The following AZIN1 variants were observed in gnomAD, a reference collection of about 807,000 sequenced individuals.
AZIN1 encodes antizyme inhibitor 1.
Under a neutral mutation model 47.4 loss-of-function variants are expected in AZIN1, and 12 were observed. That is an observed-to-expected ratio of 0.25 (90% CI 0.16 to 0.41). AZIN1 has a LOEUF of 0.41. Among genes scored for constraint, AZIN1 ranks in the 10% least tolerant of loss-of-function variants. The pLI, the probability that AZIN1 is intolerant of heterozygous loss-of-function variation, is 1.00. For missense variants in AZIN1, 410 were observed against 532.4 expected, an observed-to-expected ratio of 0.77 and a Z score of 2.26; for synonymous variants, 155 against 176.3, an observed-to-expected ratio of 0.88 and a Z score of 0.96.
At chr8:102,843,037 G>A (rs1303258647) in intron 3 of AZIN1, among the ~76,000 whole-genome samples, 4 of 151,816 alleles carry the variant, frequency 2.6e-5, no homozygotes, top group East Asian at 1.9e-4. Flanking sequence ...GCGAAACCTC[G>A]TCTCTACTAA....
At chr8:102,837,754 G>GT (rs1811912621) in intron 5 of AZIN1, among the ~76,000 whole-genome samples, 1 of 152,126 alleles carries the variant, frequency 6.6e-6, no homozygotes, top group Non-Finnish European at 1.5e-5. Flanking sequence ...ATTAAAGTCA[G>GT]TATGAAAATT....
At position 102,850,630 on chromosome 8, in the gene AZIN1, C is replaced by T. The variant is rs369697136; in HGVS notation, c.-95-6883G>A. On this transcript the variant is annotated intron_variant, in intron 2 of 11. Coordinates refer to ENST00000337198, the MANE Select transcript of AZIN1 (RefSeq NM_148174.4). ...CATAAGATCAGGTAAACTTCTGCCA[C>T]CCTGGACCCCAAAATAAGTGATAGA... Among the ~76,000 whole-genome samples, 4 of 152,246 alleles carry T rather than the reference C, an allele frequency of 2.6e-5. No individual in the cohort carries two copies. The South Asian group carries it at 6.2e-4, about 24-fold the overall frequency.
chr8:102,831,559 C>T (rs1811461469), intron 9 of AZIN1, among the ~76,000 whole-genome samples: 1 of 147,904 alleles, frequency 6.8e-6, no homozygotes, highest in Non-Finnish European at 1.5e-5. Flanking sequence ...AGGAGAATTG[C>T]TTGAACCTGG....
chr8:102,847,350 T>TA (rs34083752), intron 2 of AZIN1, among the ~76,000 whole-genome samples: 9,989 of 133,666 alleles, frequency 0.075, 413 homozygotes, highest in African/African-American at 0.11. Context: ...ACCCATCTCT[T>TA]AAAAAAAAAA....
At chr8:102,842,411 A>G (rs1397374047) in intron 3 of AZIN1, among the ~76,000 whole-genome samples, 2 of 151,946 alleles carry the variant, frequency 1.3e-5, no homozygotes, top group Non-Finnish European at 2.9e-5. Context: ...TCTACTAAAA[A>G]TACAAAAACT....
At chr8:102,842,119 A>G (rs1812236681) in intron 3 of AZIN1, among the ~76,000 whole-genome samples, 1 of 150,824 alleles carries the variant, frequency 6.6e-6, no homozygotes, top group Non-Finnish European at 1.5e-5. Flanking sequence ...CTCAAAGAGA[A>G]AAAAAAAAAG....
At chr8:102,841,833 G>T (rs987753955) in intron 3 of AZIN1, among the ~76,000 whole-genome samples, 1 of 149,732 alleles carries the variant, frequency 6.7e-6, no homozygotes, top group African/African-American at 2.5e-5. Context: ...AGACCAGGCT[G>T]GGCGCGGTGG....
chr8:102,830,545 G>A (rs1811381183), intron 9 of AZIN1, among the ~76,000 whole-genome samples: 1 of 151,544 alleles, frequency 6.6e-6, no homozygotes, highest in African/African-American at 2.4e-5. Context: ...GGCAATATAT[G>A]CACAAGGAGT....
intron 3 of AZIN1, among the ~76,000 whole-genome samples, chr8:102,842,130 A>G (rs1199858814): frequency 1.3e-5 from 2 of 152,024 alleles, no homozygotes; most frequent in Non-Finnish European, 2.9e-5. Flanking sequence ...AAAAAAAAAG[A>G]AAATCACCTT....
intron 2 of AZIN1, 60 bp from the exon 3 acceptor site, chr8:102,843,807 C>CA: frequency 8.3e-7 from 1 of 1,207,306 alleles, no homozygotes. Context: ...ATGTACGAGT[C>CA]AATGAAAGTG....
intron 8 of AZIN1, 100 bp from the exon 9 acceptor site, chr8:102,833,318 A>C (rs1188020989): frequency 1.8e-6 from 2 of 1,119,042 alleles, no homozygotes; most frequent in Non-Finnish European, 2.5e-6. Context: ...AAAATGAAGC[A>C]GTTCCAATCA....
At chr8:102,851,454 T>A (rs1812911472) in intron 2 of AZIN1, among the ~76,000 whole-genome samples, 1 of 152,236 alleles carries the variant, frequency 6.6e-6, no homozygotes, top group Non-Finnish European at 1.5e-5. Flanking sequence ...ACGCCTGTAA[T>A]CCCAGCACTT....
At chr8:102,863,588 G>A (rs1813899468) in intron 1 of AZIN1, among the ~76,000 whole-genome samples, 4 of 149,882 alleles carry the variant, frequency 2.7e-5, no homozygotes, top group Admixed American at 2.6e-4. Context: ...GCGTCCAGCA[G>A]CCGCCCGAAG....
intron 6 of AZIN1, chr8:102,835,141 TACAAA>T (rs1811738119): frequency 6.3e-6 from 1 of 159,240 alleles, no homozygotes; most frequent in African/African-American, 2.4e-5. Context: ...CCCAACCAAA[TACAAA>T]AATGTGTCTG....
intron 5 of AZIN1, among the ~76,000 whole-genome samples, chr8:102,837,282 A>G (rs571379141): frequency 3.3e-5 from 5 of 152,334 alleles, no homozygotes; most frequent in Admixed American, 1.3e-4. Flanking sequence ...CTACTGATTC[A>G]AATCTATTTG....
chr8:102,829,614 A>G, intron 10 of AZIN1, 128 bp from the exon 11 acceptor site: 1 of 947,438 alleles, frequency 1.1e-6, no homozygotes, highest in Non-Finnish European at 1.6e-6. Context: ...AGCCAAGGGC[A>G]GGGTGCTACT....
chr8:102,834,427 T>C (rs1030198497), intron 7 of AZIN1, among the ~76,000 whole-genome samples, 164 bp from the exon 8 acceptor site: 5 of 152,234 alleles, frequency 3.3e-5, no homozygotes, highest in African/African-American at 1.2e-4. Flanking sequence ...TTAGGTATGC[T>C]GTCTCTTTGA....
intron 9 of AZIN1, among the ~76,000 whole-genome samples, chr8:102,832,005 T>C (rs1163055086): frequency 6.6e-6 from 1 of 152,138 alleles, no homozygotes; most frequent in Non-Finnish European, 1.5e-5. Flanking sequence ...CCTCCTAACA[T>C]GATGAAGTGA....
At chr8:102,843,770 A>C (rs896951989) in intron 2 of AZIN1, 23 bp from the exon 3 acceptor site, 10 of 1,445,850 alleles carry the variant, frequency 6.9e-6, no homozygotes, top group Non-Finnish European at 9.1e-6. Flanking sequence ...AAGTTATATA[A>C]AAGTCTGTAT....
Sources: allele counts gnomAD v4.1 joint callset (sites outside exome capture counted in the v4.1 genomes callset), GRCh38; gene constraint gnomAD v4.1.1; transcripts MANE v1.5; gene names NCBI Gene and HGNC (gene_info 2026-07-23, HGNC 2026-07-21).